Variants in CCDC178 observed in about 807,000 individuals in gnomAD.
CCDC178 encodes the protein coiled-coil domain containing 178.
CCDC178 carries 126 observed loss-of-function variants against 117.4 expected under a neutral mutation model. The observed-to-expected ratio is 1.07, with a 90% CI of 0.93 to 1.24. The LOEUF (loss-of-function observed/expected upper bound fraction) is 1.24, where lower values mean the gene tolerates loss of function less well. CCDC178 is among the 50% of genes most tolerant of loss of function. The probability of loss-of-function intolerance (pLI) is 0.00; values close to 1 mark genes in which losing one functional copy is unlikely to be tolerated. For missense variants in CCDC178, 1,030 were observed against 986.9 expected (o/e 1.04, Z -0.59); for synonymous variants, 283 against 313.4 (o/e 0.90, Z 1.02).
At chr18:33,184,253 G>A (rs1381175079) in intron 20 of CCDC178, among the ~76,000 whole-genome samples, 1 of 151,838 alleles carries the variant, frequency 6.6e-6, no homozygotes, top group African/African-American at 2.4e-5. Flanking sequence ...GTAGATATTT[G>A]TTTGAAAAAA....
rs574137969 is a variant in CCDC178 at position 33,086,425 on chromosome 18, TACACAC to T, written c.2388+6330_2388+6335del. On this transcript the variant is annotated intron_variant, in intron 21 of 22. Transcript: ENST00000383096. ...GTATATATACATATATAAATATATATACACACACACACACACACACATATATATATA... is the reference window on the plus strand; with the variant it reads ...GTATATATACATATATAAATATATATACACACACACACACATATATATATA... Among the ~76,000 whole-genome samples the T allele has an allele frequency of 4.7e-5, 7 of 147,860 alleles. No individual in the cohort carries two copies. In the South Asian group the frequency reaches 6.4e-4, roughly 14 times the overall value.
intron 5 of CCDC178, among the ~76,000 whole-genome samples, chr18:33,370,581 C>T (rs1405864949): frequency 6.6e-6 from 1 of 151,896 alleles, no homozygotes; most frequent in Non-Finnish European, 1.5e-5. Context: ...TTTAAATATT[C>T]CCTTCAAAGA....
At chr18:33,021,380 C>A (rs2056113668) in intron 21 of CCDC178, among the ~76,000 whole-genome samples, 1 of 152,066 alleles carries the variant, frequency 6.6e-6, no homozygotes, top group Admixed American at 6.6e-5. Flanking sequence ...GCTCCATATA[C>A]AAATACTTGA....
At chr18:32,980,163 GAA>G (rs11296246) in intron 21 of CCDC178, among the ~76,000 whole-genome samples, 14 of 152,152 alleles carry the variant, frequency 9.2e-5, no homozygotes, top group African/African-American at 3.1e-4. Context: ...ACTTCTAATG[GAA>G]AAAAAATTGA....
At chr18:33,264,790 GAAGCTACA>G (rs2059793445) in intron 14 of CCDC178, among the ~76,000 whole-genome samples, 1 of 152,012 alleles carries the variant, frequency 6.6e-6, no homozygotes, top group Non-Finnish European at 1.5e-5. Context: ...CCCTCCTGTG[GAAGCTACA>G]AGAGCCATTG....
chr18:33,100,404 A>G lies in CCDC178; in HGVS notation c.2239-7494T>C, dbSNP rs527256331. ...ACCAAGAATTATTGATAATAACATG[A>G]AAAAACACACAATTTCATGGCAGAA... On this transcript the variant is annotated intron_variant, in intron 20 of 22. Coordinates refer to ENST00000383096, the MANE Select transcript of CCDC178 (RefSeq NM_001105528.4). 2.1e-3 allele frequency among the ~76,000 whole-genome samples: 317 copies of G among 152,090 alleles called. 1 individual carries two copies. The highest frequency in any genetic ancestry group is 3.4e-3 in the Non-Finnish European group (232 of 67,954).
chr18:33,016,998 T>A (rs941752515), intron 21 of CCDC178, among the ~76,000 whole-genome samples: 4 of 151,902 alleles, frequency 2.6e-5, no homozygotes, highest in Admixed American at 6.6e-5. Context: ...TCCCTATAGC[T>A]AACATTATAT....
chr18:33,304,219 G>A (rs2062218642), intron 11 of CCDC178, among the ~76,000 whole-genome samples: 1 of 152,038 alleles, frequency 6.6e-6, no homozygotes, highest in African/African-American at 2.4e-5. Context: ...TCCAGCTCTG[G>A]GTCTTTTACC....
At chr18:33,056,106 TG>T (rs963260492) in intron 21 of CCDC178, among the ~76,000 whole-genome samples, 14 of 152,134 alleles carry the variant, frequency 9.2e-5, no homozygotes, top group African/African-American at 3.1e-4. Context: ...CTGGCCTCAA[TG>T]GAAGATTATT....
At chr18:33,428,295 C>T (rs963287459) in intron 2 of CCDC178, among the ~76,000 whole-genome samples, 6 of 151,992 alleles carry the variant, frequency 3.9e-5, no homozygotes, top group African/African-American at 1.4e-4. Flanking sequence ...AAAGTCTTAA[C>T]CCAAGAAAAA....
chr18:33,054,605 TC>T (rs2056798792), intron 21 of CCDC178, among the ~76,000 whole-genome samples: 2 of 152,222 alleles, frequency 1.3e-5, no homozygotes, highest in Non-Finnish European at 2.9e-5. Flanking sequence ...ATGATCTCAT[TC>T]CTTTTTATGG....
At chr18:33,217,073 G>C (rs1322642961) in intron 18 of CCDC178, among the ~76,000 whole-genome samples, 1 of 151,970 alleles carries the variant, frequency 6.6e-6, no homozygotes, top group Non-Finnish European at 1.5e-5. Flanking sequence ...AATTTATTTA[G>C]CTAATATATT....
chr18:33,244,663 T>C (rs977171133), intron 15 of CCDC178, among the ~76,000 whole-genome samples: 1 of 151,932 alleles, frequency 6.6e-6, no homozygotes, highest in African/African-American at 2.4e-5. Flanking sequence ...TCTTTATAAA[T>C]TACTAAGTCT....
intron 19 of CCDC178, among the ~76,000 whole-genome samples, chr18:33,213,551 A>T (rs2059131126): frequency 6.6e-6 from 1 of 152,022 alleles, no homozygotes; most frequent in Admixed American, 6.6e-5. Flanking sequence ...ATCCCAAAAA[A>T]ACATTGATAT....
chr18:33,024,442 A>T (rs1024629173), intron 21 of CCDC178, among the ~76,000 whole-genome samples: 1 of 151,982 alleles, frequency 6.6e-6, no homozygotes, highest in Non-Finnish European at 1.5e-5. Flanking sequence ...ATTTCCTCTT[A>T]TAAGGACACC....
At chr18:33,325,518 AC>A (rs1195057965) in intron 10 of CCDC178, among the ~76,000 whole-genome samples, 1 of 151,966 alleles carries the variant, frequency 6.6e-6, no homozygotes, top group Non-Finnish European at 1.5e-5. Flanking sequence ...GAAATATGTC[AC>A]CTTCATTTAA....
At chr18:33,183,520 C>T (rs189745935) in intron 20 of CCDC178, among the ~76,000 whole-genome samples, 24 of 151,988 alleles carry the variant, frequency 1.6e-4, no homozygotes, top group African/African-American at 4.6e-4. Context: ...AAAATTGGCA[C>T]GGTATGATTG....
At chr18:32,988,302 C>T (rs2055311477) in intron 21 of CCDC178, among the ~76,000 whole-genome samples, 5 of 149,322 alleles carry the variant, frequency 3.3e-5, no homozygotes, top group South Asian at 4.3e-4. Flanking sequence ...CGGGCGTGGT[C>T]GCGTATGCCT....
chr18:33,378,075 G>C lies in CCDC178; in HGVS notation c.209-7886C>G, dbSNP rs144242349. 4.6e-3 allele frequency among the ~76,000 whole-genome samples: 702 copies of C among 152,308 alleles called. 14 individuals are homozygous for C. The highest frequency in any genetic ancestry group is 3.4e-3 in the Middle Eastern group (1 of 294). On this transcript the variant is annotated intron_variant, in intron 5 of 22. Coordinates refer to ENST00000383096, the MANE Select transcript of CCDC178 (RefSeq NM_001105528.4). ...ATCGGCATTGATTCTTTCAATCCAT[G>C]AGCACGGAATATTTTTCCATTTGTC...
Sources: gnomAD v4.1 joint callset for allele counts (sites outside exome capture counted in the v4.1 genomes callset) on GRCh38, gnomAD v4.1.1 for gene constraint, MANE v1.5 for transcripts, NCBI Gene and HGNC (gene_info 2026-07-23, HGNC 2026-07-21) for gene names.